The following MTCL2 variants were observed in gnomAD, a reference collection of about 807,000 sequenced individuals.
The protein encoded by MTCL2 is microtubule crosslinking factor 2, also known as microtubule cross-linking factor 2.
the MTCL2 span, among the ~76,000 whole-genome samples, chr20:36,792,029 T>C: frequency 6.6e-6 from 1 of 152,228 alleles, no homozygotes; most frequent in Non-Finnish European, 1.5e-5. Flanking sequence ...TGTGAAAGAT[T>C]CTCAGAGGAA....
the MTCL2 span, among the ~76,000 whole-genome samples, chr20:36,833,253 CTG>C: frequency 6.6e-6 from 1 of 152,222 alleles, no homozygotes; most frequent in Non-Finnish European, 1.5e-5. Context: ...AGTGGGCTTA[CTG>C]TGTCAGGCAT....
At chr20:36,829,208 G>T in the MTCL2 span, 1 of 1,609,174 alleles carries the variant, frequency 6.2e-7, no homozygotes. Context: ...GATGTCCTTA[G>T]AGACCTGTGC....
At chr20:36,812,345 A>C in the MTCL2 span, among the ~76,000 whole-genome samples, 1 of 152,236 alleles carries the variant, frequency 6.6e-6, no homozygotes, top group African/African-American at 2.4e-5. Flanking sequence ...CACAGCCAGA[A>C]TAGAGTGGAT....
the MTCL2 span, among the ~76,000 whole-genome samples, chr20:36,854,817 T>C: frequency 9.2e-5 from 14 of 152,226 alleles, no homozygotes; most frequent in Admixed American, 8.5e-4. Context: ...CATTTGAGAA[T>C]GAGGGGCCGC....
At chr20:36,815,585 G>A in the MTCL2 span, 6 of 1,580,440 alleles carry the variant, frequency 3.8e-6, no homozygotes, top group Middle Eastern at 1.7e-4. This position sits in a 1 kb window ranked among gnomAD's most constrained non-coding sequence, Gnocchi z 5.3. Context: ...CGGCCTCGGC[G>A]TCCGTCTCCA....
chr20:36,777,850 G>C, the MTCL2 span: 1 of 626,286 alleles, frequency 1.6e-6, no homozygotes, highest in Non-Finnish European at 2.8e-6. Flanking sequence ...CCAGCTGCTG[G>C]GGGTTGGAGC....
At chr20:36,797,076 T>A in the MTCL2 span, 1 of 847,944 alleles carries the variant, frequency 1.2e-6, no homozygotes. Context: ...AATGATGTCA[T>A]CAATGATCTA....
chr20:36,834,162 CAAAA>C, the MTCL2 span, among the ~76,000 whole-genome samples: 6 of 100,678 alleles, frequency 6.0e-5, no homozygotes, highest in Admixed American at 1.1e-4. Flanking sequence ...GACTTCATCT[CAAAA>C]AAAAAAAAAA....
chr20:36,812,123 C>T, the MTCL2 span, among the ~76,000 whole-genome samples: 3 of 152,220 alleles, frequency 2.0e-5, no homozygotes. Flanking sequence ...ACTGGTAGAA[C>T]TGAGACTTGA....
the MTCL2 span, chr20:36,829,260 C>T: frequency 3.3e-6 from 5 of 1,533,882 alleles, no homozygotes; most frequent in East Asian, 9.5e-5. Context: ...TGAGGAGAGC[C>T]CCCACTGCAA....
chr20:36,786,112 C>G, the MTCL2 span: 1 of 991,352 alleles, frequency 1.0e-6, no homozygotes, highest in Non-Finnish European at 1.2e-6. Flanking sequence ...TCCCCAAAGG[C>G]ATGGCCAGAC....
the MTCL2 span, chr20:36,797,545 A>G: frequency 3.2e-6 from 5 of 1,557,430 alleles, no homozygotes; most frequent in South Asian, 1.2e-5. Context: ...CGAGTGCTTC[A>G]GGACCCAGGG....
chr20:36,804,659 A>G, the MTCL2 span: 7 of 1,562,948 alleles, frequency 4.5e-6, no homozygotes, highest in South Asian at 8.0e-5. Flanking sequence ...TGGCCTTGGT[A>G]TTCTACTCCC....
chr20:36,842,632 CATG>C, the MTCL2 span, among the ~76,000 whole-genome samples: 1 of 152,144 alleles, frequency 6.6e-6, no homozygotes, highest in Non-Finnish European at 1.5e-5. Flanking sequence ...ATTAGCCAGG[CATG>C]GTGGTGGGCA....
At chr20:36,801,785 G>A in the MTCL2 span, among the ~76,000 whole-genome samples, 1 of 151,686 alleles carries the variant, frequency 6.6e-6, no homozygotes, top group African/African-American at 2.4e-5. Context: ...GGCCAACATG[G>A]TGAACCCCAT....
At chr20:36,834,162 C>CAA in the MTCL2 span, among the ~76,000 whole-genome samples, 8 of 100,676 alleles carry the variant, frequency 7.9e-5, no homozygotes, top group African/African-American at 1.6e-4. Flanking sequence ...GACTTCATCT[C>CAA]AAAAAAAAAA....
At chr20:36,861,866 G>A in the MTCL2 span, among the ~76,000 whole-genome samples, 9 of 152,180 alleles carry the variant, frequency 5.9e-5, no homozygotes, top group Non-Finnish European at 1.3e-4. Flanking sequence ...CTGTCCGGGG[G>A]AAGCCCTAGG....
the MTCL2 span, chr20:36,812,674 A>C: frequency 6.2e-7 from 1 of 1,610,524 alleles, no homozygotes; most frequent in South Asian, 1.1e-5. Flanking sequence ...CCTCCTACCC[A>C]ATCCCATGCT....
the MTCL2 span, among the ~76,000 whole-genome samples, chr20:36,843,667 C>T: frequency 6.6e-6 from 1 of 152,206 alleles, no homozygotes; most frequent in East Asian, 1.9e-4. Flanking sequence ...TGTTCAAATC[C>T]TAGCCATGCC....
Sources: allele counts gnomAD v4.1 joint callset (sites outside exome capture counted in the v4.1 genomes callset), GRCh38; gene constraint gnomAD v4.1.1; non-coding constraint Gnocchi (gnomAD v3.1); transcripts MANE v1.5; gene names NCBI Gene and HGNC (gene_info 2026-07-23, HGNC 2026-07-21).